MAN1A1: variants seen among roughly 807,000 people sequenced by gnomAD.
MAN1A1 encodes the protein mannosyl-oligosaccharide 1,2-alpha-mannosidase IA.
In MAN1A1, 29 loss-of-function variants were observed where a neutral mutation model predicts 70.8. The ratio of observed to expected loss-of-function variants is 0.41; its 90% CI spans 0.31 to 0.56. The LOEUF is 0.56. Among genes scored for constraint, MAN1A1 ranks in the 20% least tolerant of loss-of-function variants. The probability of loss-of-function intolerance (pLI) is 0.29; values close to 1 mark genes in which losing one functional copy is unlikely to be tolerated. For synonymous variants in MAN1A1, 349 were observed against 330.1 expected, an observed-to-expected ratio of 1.06 and a Z score of -0.62; for missense variants, 747 against 841.3, an observed-to-expected ratio of 0.89 and a Z score of 1.39.
intron 2 of MAN1A1, among the ~76,000 whole-genome samples, chr6:119,323,352 T>G (rs761900879): frequency 1.3e-5 from 2 of 152,242 alleles, no homozygotes; most frequent in African/African-American, 4.8e-5. Flanking sequence ...TTTTGCCATA[T>G]TGATGTAAGC....
At chr6:119,316,562 T>C (rs1022048058) in intron 2 of MAN1A1, among the ~76,000 whole-genome samples, 5 of 152,184 alleles carry the variant, frequency 3.3e-5, no homozygotes, top group African/African-American at 1.2e-4. Flanking sequence ...ACTATTTTCA[T>C]GTAATGTCTA....
intron 11 of MAN1A1, among the ~76,000 whole-genome samples, chr6:119,183,050 C>T (rs1446264041): frequency 2.6e-5 from 4 of 152,154 alleles, no homozygotes; most frequent in South Asian, 4.1e-4. Context: ...GTACCAGCCA[C>T]GGATTCTCAT....
At chr6:119,179,983 C>G (rs1773106479) in intron 12 of MAN1A1, 38 bp from the exon 13 acceptor site, 1 of 1,605,794 alleles carries the variant, frequency 6.2e-7, no homozygotes, top group African/African-American at 1.3e-5. Context: ...GCCCAAGACA[C>G]TAGGCAGGCA....
intron 5 of MAN1A1, among the ~76,000 whole-genome samples, chr6:119,275,091 T>C (rs892104532): frequency 6.6e-6 from 1 of 151,932 alleles, no homozygotes; most frequent in South Asian, 2.1e-4. Context: ...GAAGATTTCA[T>C]GGGCTAGAAG....
chr6:119,299,092 T>C lies in MAN1A1; in HGVS notation c.816+2896A>G, dbSNP rs534376105. 2.9e-4 allele frequency among the ~76,000 whole-genome samples: 44 copies of C among 152,180 alleles called. 1 individual carries two copies. The highest frequency in any genetic ancestry group is 1.0e-3 in the African/African-American group (43 of 41,550). On this transcript the variant is annotated intron_variant, in intron 4 of 12. Coordinates refer to ENST00000368468, the MANE Select transcript of MAN1A1 (RefSeq NM_005907.4). ...AATGAGAAAAATTTCTCAATGTTTT[T>C]TGAAGAAAAATCCTGTAATTTTAAA...
At chr6:119,310,050 T>C (rs1346526080) in intron 2 of MAN1A1, among the ~76,000 whole-genome samples, 2 of 152,238 alleles carry the variant, frequency 1.3e-5, no homozygotes, top group Admixed American at 1.3e-4. Context: ...CCTGTTTACA[T>C]ACTCAGTAAA....
At chr6:119,254,287 T>A (rs1192700187) in intron 5 of MAN1A1, among the ~76,000 whole-genome samples, 1 of 152,226 alleles carries the variant, frequency 6.6e-6, no homozygotes, top group Non-Finnish European at 1.5e-5. Context: ...ACCCAGGTCC[T>A]TGGACTGGCT....
At chr6:119,335,879 A>G (rs1332320508) in intron 2 of MAN1A1, among the ~76,000 whole-genome samples, 1 of 152,220 alleles carries the variant, frequency 6.6e-6, no homozygotes, top group Non-Finnish European at 1.5e-5. Context: ...ACTGATGCAG[A>G]TTTACAGAAG....
At chr6:119,236,133 T>TAAAA (rs367861780) in intron 6 of MAN1A1, among the ~76,000 whole-genome samples, 1 of 137,028 alleles carries the variant, frequency 7.3e-6, no homozygotes. Flanking sequence ...AGACTCCGTC[T>TAAAA]AAAAAAAAAA....
intron 6 of MAN1A1, among the ~76,000 whole-genome samples, chr6:119,218,807 G>A (rs900791076): frequency 2.0e-5 from 3 of 152,148 alleles, no homozygotes; most frequent in African/African-American, 4.8e-5. Flanking sequence ...CTGGCACCCT[G>A]AGCTGCCAAG....
rs148664396 is a variant in MAN1A1 at position 119,286,059 on chromosome 6, T to G, written c.897+4624A>C. ...GCTAACCTTATCTGAAACTTTAATA[T>G]GCCCTAACTTTATTCTCTGTTTTTC... is the stretch of plus-strand genomic sequence containing the variant. On this transcript the variant is annotated intron_variant, in intron 5 of 12. Transcript: ENST00000368468. Among the ~76,000 whole-genome samples, 18 of 152,296 alleles carry G rather than the reference T, an allele frequency of 1.2e-4. No individual in the cohort carries two copies. In the East Asian group the frequency reaches 2.7e-3, roughly 23 times the overall value.
chr6:119,325,558 GA>G (rs1773124188), intron 2 of MAN1A1, among the ~76,000 whole-genome samples: 1 of 152,154 alleles, frequency 6.6e-6, no homozygotes, highest in Non-Finnish European at 1.5e-5. Flanking sequence ...TCAGGAGGCT[GA>G]GGCAGGAGAA....
At chr6:119,283,959 C>A (rs1375868585) in intron 5 of MAN1A1, among the ~76,000 whole-genome samples, 1 of 152,132 alleles carries the variant, frequency 6.6e-6, no homozygotes. Context: ...GTTGGATGAA[C>A]ATTACTGTCG....
At position 119,348,801 on chromosome 6, in the gene MAN1A1, C is replaced by T. The variant is rs1283443017; in HGVS notation, c.265G>A (p.Gly89Arg). 2.2e-5 allele frequency: 31 copies of T among 1,440,724 alleles called. No homozygotes were observed. The highest frequency in any genetic ancestry group is 2.8e-5 in the Non-Finnish European group (31 of 1,092,056). 89.2% of individuals were successfully genotyped at this position (1,440,724 alleles called of 1,614,324 possible). A position where few individuals can be genotyped will look rare whatever the true frequency, so the allele number is the denominator to read the frequency against. ...GCGTCCTCGGCGCGCGCCCCGGGCC[C>T]GGGCTTGTGGTCGGCGGCCGGCTGC... ...ALQPAADHKP[G>R]PGARAEDAAE... The change falls in exon 2 of 13, where the codon GGG becomes AGG. Residue 89 changes from glycine to arginine, a missense_variant. This residue lies in a region of MAN1A1 where 328 missense variants were observed against 293.1 expected (regional missense o/e 1.12). Transcript: ENST00000368468.
chr6:119,328,748 C>T (rs1324849282), intron 2 of MAN1A1, among the ~76,000 whole-genome samples: 1 of 152,194 alleles, frequency 6.6e-6, no homozygotes, highest in Non-Finnish European at 1.5e-5. Flanking sequence ...GTTTAGACTT[C>T]ATCACATAAT....
intron 5 of MAN1A1, among the ~76,000 whole-genome samples, chr6:119,257,009 T>C (rs1002739820): frequency 6.6e-6 from 1 of 152,048 alleles, no homozygotes; most frequent in Admixed American, 6.5e-5. Context: ...ATAAATTAAG[T>C]GATACATGCT....
chr6:119,343,705 T>A (rs1396963958), intron 2 of MAN1A1, among the ~76,000 whole-genome samples: 5 of 152,214 alleles, frequency 3.3e-5, no homozygotes, highest in Admixed American at 3.3e-4. Flanking sequence ...TATTTTCGTC[T>A]ACTTGGCGGG....
intron 8 of MAN1A1, 53 bp from the exon 9 acceptor site, chr6:119,193,945 A>G: frequency 8.8e-7 from 1 of 1,139,976 alleles, no homozygotes; most frequent in Non-Finnish European, 1.3e-6. Context: ...AATTCAGATA[A>G]TGCAGCAAAA....
At chr6:119,292,787 A>G (rs1365841378) in intron 4 of MAN1A1, among the ~76,000 whole-genome samples, 2 of 152,080 alleles carry the variant, frequency 1.3e-5, no homozygotes, top group Non-Finnish European at 2.9e-5. Flanking sequence ...TAATCTGATT[A>G]AAAGTACTAT....
Sources: allele counts gnomAD v4.1 joint callset (sites outside exome capture counted in the v4.1 genomes callset), GRCh38; gene constraint gnomAD v4.1.1; regional missense constraint gnomAD v4.1.1; transcripts MANE v1.5; gene names NCBI Gene and HGNC (gene_info 2026-07-23, HGNC 2026-07-21).